UBE2D2: variants seen among roughly 807,000 people sequenced by gnomAD.
UBE2D2 encodes ubiquitin conjugating enzyme E2 D2.
In UBE2D2, 2 loss-of-function variants were observed where a neutral mutation model predicts 24.2. The ratio of observed to expected loss-of-function variants is 0.08; its 90% CI spans 0.03 to 0.26. UBE2D2 has a LOEUF of 0.26. Ranked by LOEUF, UBE2D2 falls within the 10% of genes least tolerant of loss-of-function variation. The probability of loss-of-function intolerance (pLI) is 1.00; values close to 1 mark genes in which losing one functional copy is unlikely to be tolerated. For synonymous variants in UBE2D2, 58 were observed against 56.5 expected (o/e 1.03, Z -0.12); for missense variants, 44 against 177.6 (o/e 0.25, Z 4.28).
Position 139,546,763 on chromosome 5 carries a change from G to A in UBE2D2, c.-64+20151G>A, listed in dbSNP as rs183261312. ...AGCCTCCCAAAGTGCTGGAATTACAGGCGTGAGCCACCGTGCCTGGCCTTA... is the reference window on the plus strand; with the variant it reads ...AGCCTCCCAAAGTGCTGGAATTACAAGCGTGAGCCACCGTGCCTGGCCTTA... On this transcript the variant is annotated intron_variant, in intron 1 of 6. Transcript: ENST00000511725. Among the ~76,000 whole-genome samples, 66 of 152,088 alleles carry A rather than the reference G, an allele frequency of 4.3e-4. No individual in the cohort carries two copies. The East Asian group carries it at 9.9e-3, about 23-fold the overall frequency.
chr5:139,602,046 TTTTG>T (rs1241541562), intron 2 of UBE2D2, among the ~76,000 whole-genome samples: 9 of 152,194 alleles, frequency 5.9e-5, no homozygotes, highest in Admixed American at 3.3e-4. Flanking sequence ...TTTAATATTT[TTTTG>T]TTTGTTTGTT....
intron 1 of UBE2D2, among the ~76,000 whole-genome samples, chr5:139,536,605 C>A (rs559469355): frequency 3.3e-5 from 5 of 152,190 alleles, no homozygotes; most frequent in Admixed American, 6.6e-5. Flanking sequence ...ATTCACCCCC[C>A]TCAGCTTCCC....
chr5:139,537,786 G>A (rs2937397), intron 1 of UBE2D2, among the ~76,000 whole-genome samples: 162 of 151,704 alleles, frequency 1.1e-3, no homozygotes, highest in Admixed American at 1.8e-3. Context: ...AACACGGTGA[G>A]ACCCCTTCTC....
At chr5:139,562,040 C>T (rs1054225740) in intron 1 of UBE2D2, 2 of 825,652 alleles carry the variant, frequency 2.4e-6, no homozygotes, top group East Asian at 3.1e-5. Flanking sequence ...GCGTTCCTCC[C>T]CGGCTGCCCT....
intron 1 of UBE2D2, among the ~76,000 whole-genome samples, chr5:139,574,341 C>A (rs560221862): frequency 6.6e-6 from 1 of 150,472 alleles, no homozygotes; most frequent in Non-Finnish European, 1.5e-5. Flanking sequence ...TACTATAATA[C>A]ATATTAGTAA....
chr5:139,544,183 T>A (rs79803313), intron 1 of UBE2D2, among the ~76,000 whole-genome samples: 2 of 151,030 alleles, frequency 1.3e-5, no homozygotes, highest in Admixed American at 1.3e-4. Flanking sequence ...TTTTTTTTTT[T>A]AATAGAGATG....
At chr5:139,595,882 G>GTTTTTTTTTT (rs1421028674) in intron 1 of UBE2D2, among the ~76,000 whole-genome samples, 4 of 121,766 alleles carry the variant, frequency 3.3e-5, no homozygotes, top group African/African-American at 1.3e-4. Context: ...TTTTTTTTTT[G>GTTTTTTTTTT]TTTTTTGTTG....
intron 1 of UBE2D2, among the ~76,000 whole-genome samples, chr5:139,585,943 A>AT (rs1753718119): frequency 6.8e-6 from 1 of 147,704 alleles, no homozygotes; most frequent in Admixed American, 6.8e-5. Flanking sequence ...CTCAAAAAAA[A>AT]AAAAAAAAAA....
At chr5:139,553,083 T>G (rs1287914322) in intron 1 of UBE2D2, among the ~76,000 whole-genome samples, 1 of 152,142 alleles carries the variant, frequency 6.6e-6, no homozygotes, top group Non-Finnish European at 1.5e-5. Context: ...CCTTCTGAAG[T>G]GCTGGGATTA....
intron 5 of UBE2D2, among the ~76,000 whole-genome samples, chr5:139,622,499 T>C (rs1287353825): frequency 2.0e-5 from 3 of 149,774 alleles, no homozygotes; most frequent in Non-Finnish European, 3.0e-5. Flanking sequence ...CCCCTCCGCC[T>C]CCCAAAGTGC....
intron 1 of UBE2D2, among the ~76,000 whole-genome samples, chr5:139,590,875 A>G (rs1753833082): frequency 7.3e-6 from 1 of 137,924 alleles, no homozygotes. Context: ...GCTCATTGCA[A>G]TGTCCGCCTC....
chr5:139,598,410 T>C (rs1754003186), intron 1 of UBE2D2, among the ~76,000 whole-genome samples: 1 of 152,100 alleles, frequency 6.6e-6, no homozygotes, highest in Non-Finnish European at 1.5e-5. Flanking sequence ...GAATATAGTA[T>C]GATTTCCTGC....
intron 1 of UBE2D2, chr5:139,562,444 T>G: frequency 7.8e-7 from 1 of 1,278,782 alleles, no homozygotes; most frequent in Non-Finnish European, 1.0e-6. Flanking sequence ...AGAGGGAGAA[T>G]CATTTTATTC....
At chr5:139,527,187 A>G (rs1752551203) in intron 1 of UBE2D2, among the ~76,000 whole-genome samples, 1 of 152,168 alleles carries the variant, frequency 6.6e-6, no homozygotes, top group Admixed American at 6.5e-5. Flanking sequence ...AAGCCTGGAG[A>G]GGTCCCTTGT....
At chr5:139,618,525 C>T (rs1378455515) in intron 5 of UBE2D2, among the ~76,000 whole-genome samples, 3 of 152,254 alleles carry the variant, frequency 2.0e-5, no homozygotes, top group Middle Eastern at 3.4e-3. Context: ...GCACTTCCTT[C>T]ACCAAATAGC....
At chr5:139,603,439 A>G (rs1446120178) in intron 2 of UBE2D2, among the ~76,000 whole-genome samples, 1 of 151,872 alleles carries the variant, frequency 6.6e-6, no homozygotes, top group Non-Finnish European at 1.5e-5. Context: ...CCTGGCCAAC[A>G]TGGTGAAACC....
chr5:139,557,520 G>C (rs1752998995), upstream of UBE2D2, among the ~76,000 whole-genome samples: 1 of 152,100 alleles, frequency 6.6e-6, no homozygotes. Context: ...GGCCGAGGCG[G>C]GCAGATCATC....
At chr5:139,609,107 T>G (rs1754259981) in intron 2 of UBE2D2, among the ~76,000 whole-genome samples, 1 of 152,120 alleles carries the variant, frequency 6.6e-6, no homozygotes, top group African/African-American at 2.4e-5. Context: ...AAATTCTGAT[T>G]TAAATTTTTC....
intron 1 of UBE2D2, among the ~76,000 whole-genome samples, chr5:139,532,452 C>T (rs865823413): frequency 7.9e-5 from 12 of 151,800 alleles, no homozygotes; most frequent in Non-Finnish European, 1.3e-4. Flanking sequence ...CCTCGGTTCA[C>T]GCCATTCTCT....
Sources: gnomAD v4.1 joint callset for allele counts (sites outside exome capture counted in the v4.1 genomes callset) on GRCh38, gnomAD v4.1.1 for gene constraint, MANE v1.5 for transcripts, NCBI Gene and HGNC (gene_info 2026-07-23, HGNC 2026-07-21) for gene names.